Variants in ATAD2B observed in about 807,000 individuals in gnomAD.
The protein encoded by ATAD2B is ATPase family AAA domain containing 2B.
Under a neutral mutation model 167.6 loss-of-function variants are expected in ATAD2B, and 40 were observed. The observed-to-expected ratio is 0.24, with a 90% CI of 0.19 to 0.31. ATAD2B has a LOEUF of 0.31. ATAD2B is among the 10% of genes least tolerant of loss of function. ATAD2B has a pLI of 1.00. For synonymous variants in ATAD2B, 579 were observed against 596.5 expected (o/e 0.97, Z 0.43); for missense variants, 1,242 against 1,757.2 (o/e 0.71, Z 5.24).
the ATAD2B span, among the ~76,000 whole-genome samples, chr2:23,713,861 C>T: frequency 6.6e-6 from 1 of 152,096 alleles, no homozygotes; most frequent in African/African-American, 2.4e-5. Flanking sequence ...TGGGTTATTT[C>T]CACATTTCGG....
intron 22 of ATAD2B, among the ~76,000 whole-genome samples, chr2:23,775,881 G>A (rs1048793548): frequency 4.6e-5 from 7 of 152,182 alleles, no homozygotes; most frequent in Admixed American, 6.5e-5. Flanking sequence ...ACTTTGGGAA[G>A]CCAAGGCAGG....
chr2:23,730,897 T>G, the ATAD2B span, among the ~76,000 whole-genome samples: 1 of 151,790 alleles, frequency 6.6e-6, no homozygotes, highest in South Asian at 2.1e-4. Flanking sequence ...ATCCTAGTTT[T>G]TTTGAAAAGA....
chr2:23,694,422 CCT>C, the ATAD2B span, among the ~76,000 whole-genome samples: 3 of 152,198 alleles, frequency 2.0e-5, no homozygotes, highest in African/African-American at 7.2e-5. Context: ...GGTTTCCTTG[CCT>C]CTGTCTTGCT....
At chr2:23,736,003 C>G in the ATAD2B span, among the ~76,000 whole-genome samples, 8 of 152,130 alleles carry the variant, frequency 5.3e-5, no homozygotes. Flanking sequence ...AGGATTACAT[C>G]TAAGTATTCA....
the ATAD2B span, among the ~76,000 whole-genome samples, chr2:23,721,193 G>A: frequency 6.6e-6 from 1 of 152,124 alleles, no homozygotes; most frequent in African/African-American, 2.4e-5. Context: ...GGCCAGCAGA[G>A]CAGCTAAACG....
At chr2:23,717,974 A>T in the ATAD2B span, among the ~76,000 whole-genome samples, 1 of 152,220 alleles carries the variant, frequency 6.6e-6, no homozygotes, top group Non-Finnish European at 1.5e-5. Flanking sequence ...GACAAACAGA[A>T]GGGTAAAAAG....
At chr2:23,891,020 AT>A (rs34109939) in intron 2 of ATAD2B, among the ~76,000 whole-genome samples, 58,046 of 136,736 alleles carry the variant, frequency 0.42, 12,268 homozygotes, top group East Asian at 0.73. Flanking sequence ...ATATACTGAG[AT>A]TTTTTTTTTT....
Position 23,749,286 on chromosome 2 carries a change from A to G in ATAD2B, c.*2760T>C, listed in dbSNP as rs1675113683. ...TTCAAAAAGCCCCCAGGGTCCCCAC[A>G]GCTGAGCATGAATTATTGCTGAGCT... On this transcript the variant is annotated 3_prime_UTR_variant, in exon 28 of 28. Transcript: ENST00000238789. The G allele has an allele frequency of 1.3e-5, 2 of 152,140 alleles. No homozygotes were observed. The highest frequency in any genetic ancestry group is 1.3e-4 in the Admixed American group (2 of 15,256). The allele number at this position is 152,140 out of a possible 1,614,324, so 9.4% of individuals were successfully genotyped here.
intron 13 of ATAD2B, among the ~76,000 whole-genome samples, chr2:23,835,980 G>T (rs1284276015): frequency 1.3e-5 from 2 of 151,998 alleles, no homozygotes; most frequent in African/African-American, 4.8e-5. Context: ...TTATTATGGG[G>T]TCCTTGTCAG....
chr2:23,697,579 G>C, the ATAD2B span: 4 of 152,260 alleles, frequency 2.6e-5, no homozygotes, highest in Non-Finnish European at 4.4e-5. Context: ...CCCCTTGGTG[G>C]CTAATTGGAC....
chr2:23,855,006 C>T (rs1206064952), intron 13 of ATAD2B, among the ~76,000 whole-genome samples: 2 of 152,120 alleles, frequency 1.3e-5, no homozygotes, highest in East Asian at 3.9e-4. Flanking sequence ...ACCAGTCTGG[C>T]CAACATGGCA....
At chr2:23,804,253 G>A (rs1414024111) in intron 18 of ATAD2B, among the ~76,000 whole-genome samples, 1 of 152,110 alleles carries the variant, frequency 6.6e-6, no homozygotes, top group Non-Finnish European at 1.5e-5. Flanking sequence ...TTATATTTAT[G>A]AATGTAAAAT....
Position 23,762,276 on chromosome 2 carries a change from T to G in ATAD2B, c.3327A>C (p.Glu1109Asp), listed in dbSNP as rs754766725. Residue 1109 changes from glutamate to aspartate, a missense_variant, in exon 24 of 28, where the codon GAA (glutamate) becomes GAC (aspartate). By Grantham distance (45) the Glu-to-Asp change is conservative. Coordinates refer to ENST00000238789, the MANE Select transcript of ATAD2B (RefSeq NM_017552.4). The stretch of plus-strand genomic sequence containing the variant: ...TTCTTTGTTTGTGCCGAAATGCCTC[T>G]TCGACTCTAGTTTCTGTCTTCCGAG... ...TGARKTETRV[E>D]EAFRHKQRNP... The G allele has an allele frequency of 6.2e-7, 1 of 1,613,692 alleles. No individual in the cohort carries two copies. The highest frequency in any genetic ancestry group is 8.5e-7 in the Non-Finnish European group (1 of 1,179,762).
chr2:23,853,466 T>A (rs567284101), intron 13 of ATAD2B, among the ~76,000 whole-genome samples: 42 of 152,242 alleles, frequency 2.8e-4, no homozygotes, highest in African/African-American at 1.0e-3. Flanking sequence ...TCCATTCACA[T>A]TAAATGAACA....
the ATAD2B span, among the ~76,000 whole-genome samples, chr2:23,709,040 CTTTTT>C: frequency 2.0e-5 from 3 of 151,384 alleles, no homozygotes; most frequent in African/African-American, 4.9e-5. Flanking sequence ...CTTTTCTTTT[CTTTTT>C]TTCTTTTTTA....
intron 8 of ATAD2B, among the ~76,000 whole-genome samples, chr2:23,875,456 G>A (rs754561821): frequency 2.5e-4 from 38 of 151,294 alleles, no homozygotes; most frequent in African/African-American, 6.8e-4. Context: ...CCGAGACTGC[G>A]CCACTGCACT....
intron 2 of ATAD2B, among the ~76,000 whole-genome samples, chr2:23,894,922 T>A (rs1699989568): frequency 6.6e-6 from 1 of 152,186 alleles, no homozygotes; most frequent in Non-Finnish European, 1.5e-5. Flanking sequence ...CAGAGACCCC[T>A]TAGGGACTAA....
At chr2:23,758,201 C>T (rs532917858) in intron 24 of ATAD2B, 100 bp from the exon 25 acceptor site, 2 of 970,624 alleles carry the variant, frequency 2.1e-6, no homozygotes, top group South Asian at 3.6e-5. Flanking sequence ...TAAACCCATG[C>T]TGATGTAACA....
At position 23,749,385 on chromosome 2, in the gene ATAD2B, A is replaced by T. The variant is rs765844273; in HGVS notation, c.*2661T>A. On this transcript the variant is annotated 3_prime_UTR_variant, in exon 28 of 28. Transcript: ENST00000238789. ...AGCTTATCTTTATAATGCTCACAATAGGAAATAAGAACAGAGGTCAATTTG... is the reference window on the plus strand; with the variant it reads ...AGCTTATCTTTATAATGCTCACAATTGGAAATAAGAACAGAGGTCAATTTG... 1 of 152,174 alleles carries T rather than the reference A, an allele frequency of 6.6e-6. No homozygotes were observed. Among genetic ancestry groups the T allele is most frequent in the Non-Finnish European group, 1.5e-5 (1 of 68,006 alleles). The allele number at this position is 152,174 out of a possible 1,614,324, so 9.4% of individuals were successfully genotyped here. A position where few individuals can be genotyped will look rare whatever the true frequency, so the allele number is the denominator to read the frequency against.
Sources: gnomAD v4.1 joint callset for allele counts (sites outside exome capture counted in the v4.1 genomes callset) on GRCh38, gnomAD v4.1.1 for gene constraint, MANE v1.5 for transcripts, NCBI Gene and HGNC (gene_info 2026-07-23, HGNC 2026-07-21) for gene names.